The following COBLL1 variants were observed in gnomAD, a reference collection of about 807,000 sequenced individuals.
COBLL1 encodes cordon-bleu protein-like 1.
In COBLL1, 50 loss-of-function variants were observed where a neutral mutation model predicts 94.8. That is an observed-to-expected ratio of 0.53 (90% CI 0.42 to 0.67). The LOEUF (loss-of-function observed/expected upper bound fraction) is 0.67. Ranked by LOEUF, COBLL1 falls within the 30% of genes least tolerant of loss-of-function variation. COBLL1 has a pLI of 0.00. For missense variants in COBLL1, 1,362 were observed against 1,348.7 expected, an observed-to-expected ratio of 1.01 and a Z score of -0.15; for synonymous variants, 448 against 473.8, an observed-to-expected ratio of 0.95 and a Z score of 0.71.
intron 3 of COBLL1, among the ~76,000 whole-genome samples, chr2:164,741,863 T>G (rs771135972): frequency 6.6e-6 from 1 of 152,070 alleles, no homozygotes; most frequent in Non-Finnish European, 1.5e-5. Context: ...AATTGCAGCA[T>G]CCTACAGAAC....
Position 164,758,948 on chromosome 2 carries a change from A to AT in COBLL1, c.42-15074dup, listed in dbSNP as rs577720138. Among the ~76,000 whole-genome samples, 959 of 150,530 alleles carry AT rather than the reference A, an allele frequency of 6.4e-3. 11 individuals carry two copies. Among genetic ancestry groups the AT allele is most frequent in the African/African-American group, 0.022 (898 of 41,140 alleles). ...AAAGGAAGTTAAAAAGTTTTAGTTG[A>AT]TTTTTTTTTTAAATTTCAAACACAC... On this transcript the variant is annotated intron_variant, in intron 2 of 13. Transcript: ENST00000652658.
rs917416534 is a variant in COBLL1, at chr2:164,661,255, TA to T, written n.181+4591del. 1.5e-4 allele frequency among the ~76,000 whole-genome samples: 23 copies of T among 152,052 alleles called. No homozygotes were observed. The East Asian group carries it at 3.1e-3, about 20-fold the overall frequency. The stretch of plus-strand genomic sequence containing the variant: ...TATTAAGAAATAAATACTGTGAGTT[TA>T]AAAAAATGATAACCAGCTATGGGAT... On this transcript the variant is annotated intron_variant and non_coding_transcript_variant, in intron 2 of 2. Transcript: ENST00000495084.
chr2:164,705,714 T>C (rs972543916), intron 7 of COBLL1, among the ~76,000 whole-genome samples: 3 of 152,120 alleles, frequency 2.0e-5, no homozygotes, highest in African/African-American at 4.8e-5. Context: ...AATGAATGAA[T>C]GAACGAATAA....
chr2:164,694,841 A>G lies in COBLL1; in HGVS notation c.2551T>C (p.Ser851Pro), dbSNP rs779529447. 3.1e-6 allele frequency: 5 copies of G among 1,613,864 alleles called. No individual in the cohort carries two copies. The South Asian group carries it at 5.5e-5, about 18-fold the overall frequency. Residue 851 changes from serine (S) to proline (P), a missense_variant, in exon 12 of 14, where the codon TCA becomes CCA. Coordinates refer to ENST00000652658, the MANE Select transcript of COBLL1 (RefSeq NM_001365672.2). ...NLEEINNILE[S>P]KFKSRASNAQ... ...TTTGAAGCCCGAGATTTAAATTTTG[A>G]TTCCAAAATATTGTTTATTTCTTCC...
At chr2:164,825,508 A>G (rs1234492024) in intron 2 of COBLL1, among the ~76,000 whole-genome samples, 1 of 152,208 alleles carries the variant, frequency 6.6e-6, no homozygotes, top group Non-Finnish European at 1.5e-5. Context: ...ATTGCTGTAC[A>G]GTACATGGAA....
intron 2 of COBLL1, among the ~76,000 whole-genome samples, chr2:164,820,049 G>C (rs1295309765): frequency 6.6e-6 from 1 of 150,514 alleles, no homozygotes; most frequent in Non-Finnish European, 1.5e-5. Context: ...GACCAGGCTG[G>C]TCTCGAACTC....
At chr2:164,787,551 C>T (rs1029544962) in intron 2 of COBLL1, among the ~76,000 whole-genome samples, 5 of 152,032 alleles carry the variant, frequency 3.3e-5, no homozygotes, top group African/African-American at 9.7e-5. Context: ...GGCAACTATA[C>T]CTCAGTAAGG....
intron 1 of COBLL1, among the ~76,000 whole-genome samples, chr2:164,668,625 A>C (rs1385036270): frequency 6.6e-6 from 1 of 152,244 alleles, no homozygotes; most frequent in East Asian, 1.9e-4. Flanking sequence ...AATTTGTAAA[A>C]AATCCAATGT....
intron 2 of COBLL1, among the ~76,000 whole-genome samples, chr2:164,782,041 C>T (rs1034241247): frequency 4.3e-4 from 65 of 151,944 alleles, no homozygotes; most frequent in African/African-American, 1.5e-3. Context: ...GAACTTTTAC[C>T]CTCATAACTT....
At chr2:164,732,552 GGAAGA>G (rs758556236) in intron 3 of COBLL1, among the ~76,000 whole-genome samples, 2 of 152,184 alleles carry the variant, frequency 1.3e-5, no homozygotes, top group African/African-American at 2.4e-5. Flanking sequence ...CAGTTTAGCT[GGAAGA>G]GAAGAGAACT....
chr2:164,773,434 T>C (rs954744538), intron 2 of COBLL1, among the ~76,000 whole-genome samples: 1 of 152,144 alleles, frequency 6.6e-6, no homozygotes, highest in Non-Finnish European at 1.5e-5. Flanking sequence ...TAAAATAATT[T>C]TTATTCTCTA....
intron 2 of COBLL1, among the ~76,000 whole-genome samples, chr2:164,777,927 T>C (rs1345661835): frequency 6.6e-6 from 1 of 152,210 alleles, no homozygotes; most frequent in Admixed American, 6.5e-5. Flanking sequence ...ATTTTCTATG[T>C]TGTCAAATAA....
intron 2 of COBLL1, among the ~76,000 whole-genome samples, chr2:164,816,482 C>T (rs546737010): frequency 3.3e-5 from 5 of 152,088 alleles, no homozygotes; most frequent in South Asian, 2.1e-4. Context: ...AGGAATTGAC[C>T]GGTAGTTTGG....
Position 164,743,781 on chromosome 2 carries a change from T to C in COBLL1, c.136A>G (p.Ile46Val). Residue 46 changes from isoleucine to valine, a missense_variant, in exon 3 of 14, where the codon ATC becomes GTC. Transcript: ENST00000652658. ...AADSVESTAF[I>V]MEQKENMIDK... is the part of the protein sequence containing the mutation. Reference sequence around the variant, plus strand: ...ATCATGTTTTCTTTCTGTTCCATGATGAAAGCAGTGGATTCTACAGAATCA... The same window carrying C: ...ATCATGTTTTCTTTCTGTTCCATGACGAAAGCAGTGGATTCTACAGAATCA... 3 of 1,613,462 alleles carry C rather than the reference T, an allele frequency of 1.9e-6. No individual in the cohort carries two copies. The highest frequency in any genetic ancestry group is 1.1e-5 in the South Asian group (1 of 91,032).
intron 2 of COBLL1, among the ~76,000 whole-genome samples, chr2:164,748,791 G>T (rs1686991760): frequency 6.6e-6 from 1 of 151,958 alleles, no homozygotes; most frequent in Admixed American, 6.6e-5. Context: ...CCCCACATCA[G>T]GGCAAAAATT....
chr2:164,763,553 C>G (rs73015506), intron 2 of COBLL1, among the ~76,000 whole-genome samples: 1,645 of 151,506 alleles, frequency 0.011, 31 homozygotes, highest in African/African-American at 0.038. Context: ...TTTTTGAAAA[C>G]AAAAGACTAG....
Position 164,743,856 on chromosome 2 carries a change from C to A in COBLL1, c.61G>T (p.Ala21Ser). 1 of 1,539,150 alleles carries A rather than the reference C, an allele frequency of 6.5e-7. No individual in the cohort carries two copies. Among genetic ancestry groups the A allele is most frequent in the Non-Finnish European group, 8.8e-7 (1 of 1,138,922 alleles). The change falls in exon 3 of 14, where the codon GCA becomes TCA. Residue 21 changes from alanine to serine, a missense_variant. Coordinates refer to ENST00000652658, the MANE Select transcript of COBLL1 (RefSeq NM_001365672.2). ...APARRKPKAK[A>S]PLPPAETKYT... ...TTGGTCTCAGCTGGAGGAAGTGGTGCCTTGGCTTTTGGTTTTCTCCTAAAA... is the reference window on the plus strand; with the variant it reads ...TTGGTCTCAGCTGGAGGAAGTGGTGACTTGGCTTTTGGTTTTCTCCTAAAA...
intron 3 of COBLL1, among the ~76,000 whole-genome samples, chr2:164,739,393 T>C (rs1000931264): frequency 1.3e-5 from 2 of 152,192 alleles, no homozygotes; most frequent in Non-Finnish European, 2.9e-5. Flanking sequence ...AGCCCACCTG[T>C]GCATGAGATC....
chr2:164,702,064 T>G (rs2105448262), intron 9 of COBLL1, among the ~76,000 whole-genome samples: 1 of 152,204 alleles, frequency 6.6e-6, no homozygotes, highest in East Asian at 1.9e-4. Flanking sequence ...TTTGTGCTCT[T>G]TGAGAAATAA....
Sources: gnomAD v4.1 joint callset for allele counts (sites outside exome capture counted in the v4.1 genomes callset) on GRCh38, gnomAD v4.1.1 for gene constraint, MANE v1.5 for transcripts, NCBI Gene and HGNC (gene_info 2026-07-23, HGNC 2026-07-21) for gene names.